The following IL1RAPL1 variants were observed in gnomAD, a reference collection of about 807,000 sequenced individuals.
IL1RAPL1 encodes the protein interleukin-1 receptor accessory protein-like 1.
Under a neutral mutation model 48.4 loss-of-function variants are expected in IL1RAPL1, and 3 were observed. The ratio of observed to expected loss-of-function variants is 0.06; its 90% CI spans 0.03 to 0.16. IL1RAPL1 has a LOEUF of 0.16. Ranked by LOEUF, IL1RAPL1 falls within the 10% of genes least tolerant of loss-of-function variation. The pLI is 1.00. For missense variants in IL1RAPL1, 349 were observed against 530.6 expected (o/e 0.66, Z 3.36); for synonymous variants, 185 against 187.7 (o/e 0.99, Z 0.12).
intron 1 of IL1RAPL1, among the ~76,000 whole-genome samples, chrX:28,753,452 A>G (rs530348820): frequency 1.8e-5 from 2 of 112,452 alleles, no homozygotes; most frequent in African/African-American, 3.2e-5. Flanking sequence ...TATTCATTCA[A>G]CCAAGCCAAT....
At chrX:29,110,675 TAACA>T (rs1928545437) in intron 2 of IL1RAPL1, among the ~76,000 whole-genome samples, 1 of 112,110 alleles carries the variant, frequency 8.9e-6, no homozygotes, top group African/African-American at 3.2e-5. Flanking sequence ...GGGGGTGATT[TAACA>T]AACAGTTCTA....
intron 2 of IL1RAPL1, among the ~76,000 whole-genome samples, chrX:29,036,304 G>A (rs1449766836): frequency 8.9e-6 from 1 of 112,030 alleles, no homozygotes; most frequent in East Asian, 2.8e-4. Context: ...CATAAAGATG[G>A]AATTCTGCAG....
intron 5 of IL1RAPL1, among the ~76,000 whole-genome samples, chrX:29,453,261 C>T (rs1375890241): frequency 9.1e-6 from 1 of 109,824 alleles, no homozygotes; most frequent in East Asian, 2.9e-4. Flanking sequence ...CATTCCTACT[C>T]AATAGTGTCT....
chrX:29,796,504 A>G lies in IL1RAPL1; in HGVS notation c.779-120960A>G, dbSNP rs191065217. On this transcript the variant is annotated intron_variant, in intron 6 of 10. Transcript: ENST00000378993. ...GCCAGATACCTAAGAGTCATTCTCTATTTCTCTCCAGCCCTTATACCCAAC... is the reference window on the plus strand; with the variant it reads ...GCCAGATACCTAAGAGTCATTCTCTGTTTCTCTCCAGCCCTTATACCCAAC... Among the ~76,000 whole-genome samples the G allele has an allele frequency of 4.5e-4, 50 of 111,119 alleles. 1 individual carries two copies. The highest frequency in any genetic ancestry group is 4.0e-3 in the Admixed American group (42 of 10,452).
chrX:29,347,153 C>A (rs139593123), intron 3 of IL1RAPL1, among the ~76,000 whole-genome samples: 10 of 110,906 alleles, frequency 9.0e-5, no homozygotes, highest in Non-Finnish European at 1.3e-4. Flanking sequence ...AGTACTGAAC[C>A]TGATTTTGTC....
At chrX:29,231,244 T>C (rs1931197131) in intron 2 of IL1RAPL1, among the ~76,000 whole-genome samples, 1 of 111,025 alleles carries the variant, frequency 9.0e-6, no homozygotes, top group African/African-American at 3.3e-5. Flanking sequence ...GGGCCAGTGA[T>C]GTATGGCCTG....
At chrX:29,051,075 T>A (rs1012849748) in intron 2 of IL1RAPL1, among the ~76,000 whole-genome samples, 1 of 112,266 alleles carries the variant, frequency 8.9e-6, no homozygotes, top group Non-Finnish European at 1.9e-5. Flanking sequence ...TTATACATGT[T>A]TTTTGGAAGG....
chrX:29,287,670 T>G (rs1427866545), intron 3 of IL1RAPL1, among the ~76,000 whole-genome samples: 2 of 112,423 alleles, frequency 1.8e-5, no homozygotes, highest in Non-Finnish European at 3.7e-5. Flanking sequence ...GGCTAATGAT[T>G]AAAATTTTCA....
intron 2 of IL1RAPL1, among the ~76,000 whole-genome samples, chrX:28,924,431 T>A (rs1923688591): frequency 8.9e-6 from 1 of 112,251 alleles, no homozygotes; most frequent in South Asian, 3.7e-4. Context: ...GTCATCATAA[T>A]ACGATGAACA....
At chrX:29,232,115 T>C (rs1485540593) in intron 2 of IL1RAPL1, among the ~76,000 whole-genome samples, 4 of 111,722 alleles carry the variant, frequency 3.6e-5, no homozygotes, top group Non-Finnish European at 5.6e-5. Context: ...TAAGTGTAGA[T>C]ATATACTCTG....
intron 2 of IL1RAPL1, among the ~76,000 whole-genome samples, chrX:29,032,818 G>A (rs1388457142): frequency 8.9e-6 from 1 of 112,346 alleles, no homozygotes; most frequent in African/African-American, 3.2e-5. Flanking sequence ...AGTTTGAATT[G>A]CGGGTCTGCC....
chrX:29,465,521 C>A (rs1031983791), intron 5 of IL1RAPL1, among the ~76,000 whole-genome samples: 3 of 111,879 alleles, frequency 2.7e-5, no homozygotes, highest in African/African-American at 9.8e-5. Flanking sequence ...TAACTATAAA[C>A]TGATGGTTCC....
chrX:28,858,339 T>G (rs1224978617), intron 2 of IL1RAPL1, among the ~76,000 whole-genome samples: 1 of 112,250 alleles, frequency 8.9e-6, no homozygotes, highest in Non-Finnish European at 1.9e-5. Flanking sequence ...CTCCAAATTT[T>G]AAAGAAGTTC....
chrX:29,667,545 A>G (rs1010733969), intron 5 of IL1RAPL1, among the ~76,000 whole-genome samples: 1 of 112,061 alleles, frequency 8.9e-6, no homozygotes, highest in Non-Finnish European at 1.9e-5. Flanking sequence ...GTTTCAAGGG[A>G]CCTAGGCAAT....
At chrX:28,988,796 TA>T (rs372701939) in intron 2 of IL1RAPL1, among the ~76,000 whole-genome samples, 10 of 112,295 alleles carry the variant, frequency 8.9e-5, no homozygotes, top group African/African-American at 3.2e-4. Context: ...GAGATATTGA[TA>T]TTACAATATC....
chrX:29,072,765 T>A (rs1320959675), intron 2 of IL1RAPL1, among the ~76,000 whole-genome samples: 1 of 112,143 alleles, frequency 8.9e-6, no homozygotes, highest in Non-Finnish European at 1.9e-5. Flanking sequence ...CACTCTAAAC[T>A]CTAAACTCTG....
At chrX:29,588,772 A>C (rs1347324751) in intron 5 of IL1RAPL1, among the ~76,000 whole-genome samples, 4 of 112,289 alleles carry the variant, frequency 3.6e-5, no homozygotes, top group Non-Finnish European at 5.6e-5. Context: ...GCGAATAGTC[A>C]GAAGTTGTTG....
intron 2 of IL1RAPL1, among the ~76,000 whole-genome samples, chrX:29,276,519 G>A (rs1932121470): frequency 9.0e-6 from 1 of 111,371 alleles, no homozygotes; most frequent in Admixed American, 9.6e-5. Context: ...AGTTATAAGC[G>A]ATTGTGTTAA....
intron 2 of IL1RAPL1, among the ~76,000 whole-genome samples, chrX:29,150,640 A>G (rs1217880197): frequency 9.1e-6 from 1 of 109,851 alleles, no homozygotes; most frequent in East Asian, 2.9e-4. Context: ...ATTAAGAAAC[A>G]AGGCTGGGCG....
Sources: allele counts gnomAD v4.1 joint callset (sites outside exome capture counted in the v4.1 genomes callset), GRCh38; gene constraint gnomAD v4.1.1; transcripts MANE v1.5; gene names NCBI Gene and HGNC (gene_info 2026-07-23, HGNC 2026-07-21).